The following PRKG1 variants were observed in gnomAD, a reference collection of about 807,000 sequenced individuals.
The protein encoded by PRKG1 is protein kinase cGMP-dependent 1.
PRKG1 carries 35 observed loss-of-function variants against 88.1 expected under a neutral mutation model. That is an observed-to-expected ratio of 0.40 (90% confidence interval 0.30 to 0.53). The LOEUF (loss-of-function observed/expected upper bound fraction) is 0.53, where lower values mean the gene tolerates loss of function less well. Among genes scored for constraint, PRKG1 ranks in the 20% least tolerant of loss-of-function variants. PRKG1 has a pLI of 0.59. For synonymous variants in PRKG1, 303 were observed against 292.5 expected (o/e 1.04, Z -0.37); for missense variants, 540 against 839.8 (o/e 0.64, Z 4.41).
chr10:51,515,449 G>C (rs1296347875), intron 3 of PRKG1, among the ~76,000 whole-genome samples: 1 of 152,184 alleles, frequency 6.6e-6, no homozygotes, highest in African/African-American at 2.4e-5. Flanking sequence ...GTTGTGTCTA[G>C]TAGTAAAATC....
chr10:51,204,046 C>T (rs953925912), intron 2 of PRKG1, among the ~76,000 whole-genome samples: 1 of 152,118 alleles, frequency 6.6e-6, no homozygotes, highest in Non-Finnish European at 1.5e-5. Context: ...ATATGAAGAA[C>T]TATTTTCTTC....
intron 5 of PRKG1, among the ~76,000 whole-genome samples, chr10:52,014,991 G>A (rs1406028432): frequency 6.6e-6 from 1 of 152,242 alleles, no homozygotes; most frequent in Non-Finnish European, 1.5e-5. Context: ...CTGGCATAGA[G>A]TGCCTGTGGC....
chr10:51,893,028 C>G (rs573789004), intron 4 of PRKG1, among the ~76,000 whole-genome samples: 1 of 152,078 alleles, frequency 6.6e-6, no homozygotes, highest in Non-Finnish European at 1.5e-5. Context: ...GTAAAACTTA[C>G]AGAGCAAAGA....
At chr10:51,536,785 C>T (rs967641262) in intron 3 of PRKG1, among the ~76,000 whole-genome samples, 5 of 149,696 alleles carry the variant, frequency 3.3e-5, no homozygotes, top group Non-Finnish European at 5.9e-5. Context: ...TATCTCCTAA[C>T]GCTATCCCTC....
chr10:51,153,336 G>A lies in PRKG1; in HGVS notation c.478+6G>A. ...ACTGGTGTATGTCATGGAAGGTACG[G>A]TTTGTAACTCCAATCCTCTGACATT... On this transcript the variant is annotated splice_donor_region_variant and intron_variant, in intron 2 of 17. Transcript: ENST00000373980. 1 of 1,592,064 alleles carries A rather than the reference G, an allele frequency of 6.3e-7. No homozygotes were observed. The highest frequency in any genetic ancestry group is 8.6e-7 in the Non-Finnish European group (1 of 1,167,620).
chr10:51,173,339 A>G (rs1000259643), intron 2 of PRKG1, among the ~76,000 whole-genome samples: 3 of 151,962 alleles, frequency 2.0e-5, no homozygotes, highest in African/African-American at 2.4e-5. Context: ...AGCTTTAAAA[A>G]ATTATTTGTT....
At chr10:51,560,690 A>T (rs992339039) in intron 3 of PRKG1, among the ~76,000 whole-genome samples, 2 of 152,012 alleles carry the variant, frequency 1.3e-5, no homozygotes, top group Non-Finnish European at 2.9e-5. Flanking sequence ...TTGAAAAGAA[A>T]ATATTTTATA....
At position 51,407,548 on chromosome 10, in the gene PRKG1, T is replaced by G. The variant is rs142997739; in HGVS notation, c.479-60175T>G. Among the ~76,000 whole-genome samples, 572 of 152,370 alleles carry G rather than the reference T, an allele frequency of 3.8e-3. 3 individuals carry two copies. The highest frequency in any genetic ancestry group is 0.013 in the African/African-American group (550 of 41,586). ...ACTCATGACAATTACAGTCCTTATT[T>G]CTGCAACTCATCACGTGGTTGTGGA... On this transcript the variant is annotated intron_variant, in intron 2 of 17. Coordinates refer to ENST00000373980, the MANE Select transcript of PRKG1 (RefSeq NM_006258.4).
intron 2 of PRKG1, among the ~76,000 whole-genome samples, chr10:51,188,810 A>G (rs548679452): frequency 5.1e-4 from 77 of 152,094 alleles, no homozygotes; most frequent in African/African-American, 1.7e-3. Flanking sequence ...CCACATTCCA[A>G]GGGCAAAGAC....
At chr10:51,686,478 CA>C (rs1229938358) in intron 3 of PRKG1, among the ~76,000 whole-genome samples, 1 of 152,178 alleles carries the variant, frequency 6.6e-6, no homozygotes, top group East Asian at 1.9e-4. Flanking sequence ...GGCCAAAGCT[CA>C]ACTAGCTTGC....
intron 9 of PRKG1, among the ~76,000 whole-genome samples, chr10:52,164,897 T>A (rs1838388994): frequency 6.6e-6 from 1 of 152,140 alleles, no homozygotes; most frequent in African/African-American, 2.4e-5. Flanking sequence ...TACTTTTGGG[T>A]GTGTGTGGTA....
chr10:51,001,878 A>T (rs1314835405), intron 1 of PRKG1, among the ~76,000 whole-genome samples: 1 of 152,248 alleles, frequency 6.6e-6, no homozygotes, highest in Non-Finnish European at 1.5e-5. Flanking sequence ...GAATTTTAAA[A>T]TATATTGTCA....
chr10:51,010,600 T>C (rs1285936445), intron 1 of PRKG1, among the ~76,000 whole-genome samples: 1 of 152,234 alleles, frequency 6.6e-6, no homozygotes, highest in Non-Finnish European at 1.5e-5. Flanking sequence ...AGTAAGTGCT[T>C]GAACTGTCCA....
At chr10:51,010,624 T>A (rs1291947706) in intron 1 of PRKG1, among the ~76,000 whole-genome samples, 1 of 152,250 alleles carries the variant, frequency 6.6e-6, no homozygotes, top group African/African-American at 2.4e-5. Flanking sequence ...TGGAGATGAT[T>A]GCTGGAAAAG....
chr10:51,978,429 T>C (rs1344789534), intron 5 of PRKG1, among the ~76,000 whole-genome samples: 15 of 128,708 alleles, frequency 1.2e-4, no homozygotes, highest in Non-Finnish European at 2.1e-4. Flanking sequence ...CCTTGGCCAT[T>C]CGGGCTCTTT....
intron 2 of PRKG1, among the ~76,000 whole-genome samples, chr10:51,457,867 A>G (rs1316645671): frequency 6.6e-6 from 1 of 152,146 alleles, no homozygotes; most frequent in Non-Finnish European, 1.5e-5. Flanking sequence ...TTTGTCCTCA[A>G]TGGTGCTGGA....
At chr10:51,070,251 T>C (rs567165540), upstream of PRKG1, among the ~76,000 whole-genome samples, 3 of 152,180 alleles carry the variant, frequency 2.0e-5, no homozygotes, top group Non-Finnish European at 2.9e-5. Flanking sequence ...ATATTAATAA[T>C]ATTGAACTTA....
intron 2 of PRKG1, among the ~76,000 whole-genome samples, chr10:51,375,892 A>G (rs1443740796): frequency 1.3e-5 from 2 of 152,354 alleles, no homozygotes; most frequent in Admixed American, 1.3e-4. Context: ...ATTTACTTTA[A>G]GAACCACATG....
chr10:51,472,276 T>A (rs10823055), intron 3 of PRKG1, among the ~76,000 whole-genome samples: 1 of 151,636 alleles, frequency 6.6e-6, no homozygotes, highest in African/African-American at 2.4e-5. Context: ...TAGTGAAATG[T>A]CTTTACATTC....
Sources: allele counts gnomAD v4.1 joint callset (sites outside exome capture counted in the v4.1 genomes callset), GRCh38; gene constraint gnomAD v4.1.1; transcripts MANE v1.5; gene names NCBI Gene and HGNC (gene_info 2026-07-23, HGNC 2026-07-21).